The following RBPJ variants were observed in gnomAD, a reference collection of about 807,000 sequenced individuals.
The protein encoded by RBPJ is recombination signal binding protein for immunoglobulin kappa J region.
A neutral mutation model predicts 67.8 loss-of-function variants in RBPJ; 9 were observed. The observed-to-expected ratio is 0.13, with a 90% confidence interval of 0.08 to 0.23. The LOEUF (loss-of-function observed/expected upper bound fraction) is 0.23, where lower values mean the gene tolerates loss of function less well. Ranked by LOEUF, RBPJ falls within the 10% of genes least tolerant of loss-of-function variation. The pLI, the probability that RBPJ is intolerant of heterozygous loss-of-function variation, is 1.00. For missense variants in RBPJ, 305 were observed against 595.6 expected (o/e 0.51, Z 5.08); for synonymous variants, 198 against 203.3 (o/e 0.97, Z 0.22).
At position 26,434,553 on chromosome 4, in the gene RBPJ, T is replaced by C. The variant is rs754798175; in HGVS notation, c.*3546T>C. On this transcript the variant is annotated 3_prime_UTR_variant, in exon 11 of 11. Transcript: ENST00000355476. The stretch of plus-strand genomic sequence containing the variant: ...ATGTGGGATGGATGGTTAGAAACAA[T>C]AATATATTAGGGTTTCTGTTTAACC... 1 of 152,236 alleles carries C rather than the reference T, an allele frequency of 6.6e-6. No homozygotes were observed. The highest frequency in any genetic ancestry group is 2.4e-5 in the African/African-American group (1 of 41,458). The allele number at this position is 152,236 out of a possible 1,614,324, so 9.4% of individuals were successfully genotyped here.
At chr4:26,291,799 C>T (rs932587952) in intron 1 of RBPJ, among the ~76,000 whole-genome samples, 1 of 150,714 alleles carries the variant, frequency 6.6e-6, no homozygotes, top group African/African-American at 2.4e-5. Flanking sequence ...TGGTCTTGAA[C>T]TCCTGACCTC....
intron 1 of RBPJ, among the ~76,000 whole-genome samples, chr4:26,251,502 T>G (rs1720106919): frequency 1.3e-5 from 2 of 151,714 alleles, no homozygotes; most frequent in Non-Finnish European, 1.5e-5. Context: ...CAGTGTGGTG[T>G]TGTGCTCCTG....
At chr4:26,201,396 C>G (rs1717976573) in intron 1 of RBPJ, among the ~76,000 whole-genome samples, 1 of 152,184 alleles carries the variant, frequency 6.6e-6, no homozygotes, top group South Asian at 2.1e-4. Context: ...AGAGCTTTAG[C>G]TCTATTACAG....
At chr4:26,296,503 A>G (rs1223529330) in intron 1 of RBPJ, among the ~76,000 whole-genome samples, 4 of 152,214 alleles carry the variant, frequency 2.6e-5, no homozygotes, top group African/African-American at 7.2e-5. Flanking sequence ...TAGGGCATTT[A>G]TTTAATGATT....
chr4:26,118,441 G>A, the RBPJ span, among the ~76,000 whole-genome samples: 6 of 152,332 alleles, frequency 3.9e-5, no homozygotes, highest in East Asian at 1.2e-3. Context: ...AAACAGGTGG[G>A]ATCATGTGGT....
At chr4:26,293,844 G>T (rs898446563) in intron 1 of RBPJ, among the ~76,000 whole-genome samples, 2 of 152,108 alleles carry the variant, frequency 1.3e-5, no homozygotes, top group South Asian at 2.1e-4. Context: ...TGCAACCTCT[G>T]CCTCCCAGGT....
chr4:26,120,811 C>A, the RBPJ span, among the ~76,000 whole-genome samples: 1 of 144,116 alleles, frequency 6.9e-6, no homozygotes, highest in Admixed American at 7.4e-5. Flanking sequence ...TGAAGCCTGG[C>A]AAGAGTACTG....
chr4:26,200,118 G>T (rs1161585751), intron 1 of RBPJ, among the ~76,000 whole-genome samples: 1 of 152,214 alleles, frequency 6.6e-6, no homozygotes, highest in African/African-American at 2.4e-5. Flanking sequence ...CTGGTGGGAG[G>T]TGTGTTTGCC....
At chr4:26,386,942 G>A (rs1397629680) in intron 2 of RBPJ, among the ~76,000 whole-genome samples, 1 of 152,104 alleles carries the variant, frequency 6.6e-6, no homozygotes, top group Non-Finnish European at 1.5e-5. Context: ...CCTAGAGTCA[G>A]TGCAAACCTT....
intron 1 of RBPJ, among the ~76,000 whole-genome samples, chr4:26,245,713 GC>G (rs1254283954): frequency 2.6e-5 from 4 of 152,144 alleles, no homozygotes; most frequent in Admixed American, 2.0e-4. Flanking sequence ...TTTAGCTCTT[GC>G]AGTTAGCCCT....
At chr4:26,225,887 C>T (rs2109197373) in intron 1 of RBPJ, among the ~76,000 whole-genome samples, 1 of 152,196 alleles carries the variant, frequency 6.6e-6, no homozygotes, top group African/African-American at 2.4e-5. Context: ...GTGGCTCATG[C>T]CTGTAATCCC....
intron 1 of RBPJ, among the ~76,000 whole-genome samples, chr4:26,298,424 A>G (rs960413388): frequency 2.0e-5 from 3 of 152,360 alleles, no homozygotes; most frequent in Non-Finnish European, 4.4e-5. Flanking sequence ...GAACTAGCAT[A>G]GCACAAATAA....
upstream of RBPJ, among the ~76,000 whole-genome samples, chr4:26,161,235 T>C (rs1512097): frequency 0.49 from 74,093 of 152,058 alleles, 18,344 homozygotes; most frequent in Non-Finnish European, 0.55. Flanking sequence ...GGTGACAGGC[T>C]ACATGGGGCA....
At chr4:26,245,203 A>ATTTTTTTT (rs869234645) in intron 1 of RBPJ, among the ~76,000 whole-genome samples, 29 of 98,394 alleles carry the variant, frequency 2.9e-4, no homozygotes, top group African/African-American at 3.6e-4. Flanking sequence ...TCACTATTGT[A>ATTTTTTTT]TTTTTTTTTT....
chr4:26,279,511 C>T (rs999494827), intron 1 of RBPJ, among the ~76,000 whole-genome samples: 1 of 152,072 alleles, frequency 6.6e-6, no homozygotes, highest in Non-Finnish European at 1.5e-5. Context: ...CTCTTGACCT[C>T]GTGATCCACC....
chr4:26,177,157 T>C (rs1433120053), intron 1 of RBPJ, among the ~76,000 whole-genome samples: 2 of 152,188 alleles, frequency 1.3e-5, no homozygotes, highest in African/African-American at 4.8e-5. Flanking sequence ...GGAGAATTAC[T>C]GTGACTTTGT....
At chr4:26,263,662 C>G (rs1446099639) in intron 1 of RBPJ, among the ~76,000 whole-genome samples, 1 of 152,128 alleles carries the variant, frequency 6.6e-6, no homozygotes, top group African/African-American at 2.4e-5. Flanking sequence ...ACCTCCACTT[C>G]CCGGATTAGA....
chr4:26,257,797 G>A (rs1720390952), intron 1 of RBPJ, among the ~76,000 whole-genome samples: 1 of 152,124 alleles, frequency 6.6e-6, no homozygotes, highest in Admixed American at 6.5e-5. Context: ...GATACTAGTT[G>A]GCATAGAGAT....
chr4:26,416,182 A>G (rs1560338560), intron 4 of RBPJ, among the ~76,000 whole-genome samples: 1 of 152,282 alleles, frequency 6.6e-6, no homozygotes, highest in East Asian at 1.9e-4. Context: ...TTCTTCAATT[A>G]ATTTTCTAGA....
Sources: allele counts gnomAD v4.1 joint callset (sites outside exome capture counted in the v4.1 genomes callset), GRCh38; gene constraint gnomAD v4.1.1; transcripts MANE v1.5; gene names NCBI Gene and HGNC (gene_info 2026-07-23, HGNC 2026-07-21).